The following DOCK3 variants were observed in gnomAD, a reference collection of about 807,000 sequenced individuals.
The protein encoded by DOCK3 is dedicator of cytokinesis 3, also known as dedicator of cytokinesis protein 3.
Under a neutral mutation model 265.6 loss-of-function variants are expected in DOCK3, and 60 were observed. The ratio of observed to expected loss-of-function variants is 0.23; its 90% CI spans 0.18 to 0.28. The LOEUF is 0.28. Among genes scored for constraint, DOCK3 ranks in the 10% least tolerant of loss-of-function variants. DOCK3 has a pLI of 1.00. For synonymous variants in DOCK3, 881 were observed against 938.0 expected, an observed-to-expected ratio of 0.94 and a Z score of 1.11; for missense variants, 1,981 against 2,594.3, an observed-to-expected ratio of 0.76 and a Z score of 5.14.
chr3:50,959,789 C>T (rs972346280), intron 5 of DOCK3, among the ~76,000 whole-genome samples: 7 of 151,884 alleles, frequency 4.6e-5, no homozygotes, highest in African/African-American at 1.7e-4. Flanking sequence ...ACCGTGTTAG[C>T]CAGGATGGTC....
chr3:51,210,185 G>A (rs1484854811), intron 13 of DOCK3, among the ~76,000 whole-genome samples: 2 of 152,158 alleles, frequency 1.3e-5, no homozygotes, highest in African/African-American at 4.8e-5. Flanking sequence ...TCATGAAAGA[G>A]CAACTTCTAC....
chr3:50,892,793 A>G (rs2048702308), intron 4 of DOCK3, among the ~76,000 whole-genome samples: 1 of 152,068 alleles, frequency 6.6e-6, no homozygotes, highest in Admixed American at 6.6e-5. Context: ...GCAATATCCC[A>G]TCATTTCAAT....
At chr3:50,907,125 T>G (rs2049559141) in intron 4 of DOCK3, among the ~76,000 whole-genome samples, 1 of 152,116 alleles carries the variant, frequency 6.6e-6, no homozygotes, top group Non-Finnish European at 1.5e-5. Context: ...GAGAGACAGT[T>G]TGTTATAATT....
chr3:51,293,328 C>T (rs1317409658), intron 27 of DOCK3, among the ~76,000 whole-genome samples: 1 of 152,176 alleles, frequency 6.6e-6, no homozygotes, highest in Non-Finnish European at 1.5e-5. Flanking sequence ...ACCCACACAT[C>T]TACCATTAAT....
chr3:50,800,610 C>A (rs923424257), intron 2 of DOCK3, among the ~76,000 whole-genome samples: 2 of 150,626 alleles, frequency 1.3e-5, no homozygotes, highest in Non-Finnish European at 3.0e-5. Flanking sequence ...TATTTATTTT[C>A]AAAAAAAACA....
At chr3:51,040,164 T>C (rs1426581814) in intron 5 of DOCK3, among the ~76,000 whole-genome samples, 1 of 151,878 alleles carries the variant, frequency 6.6e-6, no homozygotes, top group Non-Finnish European at 1.5e-5. Flanking sequence ...CCAGATTCCA[T>C]GTGTGGTTTA....
At chr3:50,775,303 A>G (rs2041520124) in intron 1 of DOCK3, among the ~76,000 whole-genome samples, 1 of 152,050 alleles carries the variant, frequency 6.6e-6, no homozygotes, top group African/African-American at 2.4e-5. Context: ...TTTAATAAAT[A>G]TAGGACTATT....
At chr3:51,148,633 G>C (rs9846378) in intron 10 of DOCK3, among the ~76,000 whole-genome samples, 138,803 of 152,238 alleles carry the variant, frequency 0.91, 63,422 homozygotes, top group African/African-American at 0.95. Flanking sequence ...TGTCAGGTTT[G>C]TCAAAGATCA....
intron 2 of DOCK3, among the ~76,000 whole-genome samples, chr3:50,783,583 G>T (rs1388167676): frequency 6.6e-6 from 1 of 151,996 alleles, no homozygotes; most frequent in Non-Finnish European, 1.5e-5. Flanking sequence ...TCACTTCCTT[G>T]TAGATTCTGG....
intron 21 of DOCK3, among the ~76,000 whole-genome samples, chr3:51,245,495 A>T (rs1362587159): frequency 2.0e-5 from 3 of 147,346 alleles, no homozygotes; most frequent in Non-Finnish European, 4.4e-5. Context: ...GGTTCACACG[A>T]TTCTTCTGCC....
At chr3:51,016,933 CAA>C (rs1432448357) in intron 5 of DOCK3, among the ~76,000 whole-genome samples, 1,883 of 88,248 alleles carry the variant, frequency 0.021, 150 homozygotes, top group African/African-American at 0.087. Context: ...TTAATATATA[CAA>C]TATATGTTAT....
chr3:51,376,265 G>A (rs1216225050), intron 51 of DOCK3, among the ~76,000 whole-genome samples: 2 of 152,238 alleles, frequency 1.3e-5, no homozygotes, highest in Non-Finnish European at 2.9e-5. Flanking sequence ...AGCCCCAAGA[G>A]GAAGGGGAAA....
At chr3:50,894,501 T>C (rs1487261220) in intron 4 of DOCK3, among the ~76,000 whole-genome samples, 1 of 152,000 alleles carries the variant, frequency 6.6e-6, no homozygotes, top group Non-Finnish European at 1.5e-5. Flanking sequence ...AATGATGCTA[T>C]ACAGCAACAT....
chr3:51,160,831 C>G, intron 12 of DOCK3, 129 bp downstream of exon 12: 4 of 1,145,158 alleles, frequency 3.5e-6, no homozygotes, highest in Non-Finnish European at 4.7e-6. Context: ...ATTCCCAACA[C>G]TTTGGGAGGC....
At chr3:50,852,575 T>C (rs917436280) in intron 3 of DOCK3, among the ~76,000 whole-genome samples, 2 of 152,218 alleles carry the variant, frequency 1.3e-5, no homozygotes, top group African/African-American at 4.8e-5. Context: ...TAATTAATCA[T>C]ACTGTTATTT....
At chr3:51,320,787 C>T (rs923214348) in intron 32 of DOCK3, among the ~76,000 whole-genome samples, 1 of 152,210 alleles carries the variant, frequency 6.6e-6, no homozygotes, top group African/African-American at 2.4e-5. Flanking sequence ...TTCCTCCTCT[C>T]TGGGCAGGGC....
At chr3:51,126,967 A>T (rs961622290) in intron 9 of DOCK3, among the ~76,000 whole-genome samples, 7 of 151,948 alleles carry the variant, frequency 4.6e-5, no homozygotes, top group African/African-American at 1.4e-4. Flanking sequence ...GTTCTTATAT[A>T]TATATATATG....
chr3:50,998,282 C>T (rs915152012), intron 5 of DOCK3, among the ~76,000 whole-genome samples: 12 of 152,228 alleles, frequency 7.9e-5, no homozygotes, highest in African/African-American at 2.9e-4. Flanking sequence ...AATGCTAGCT[C>T]TTGATTAGAC....
chr3:51,184,595 A>G (rs1046971802), intron 12 of DOCK3, among the ~76,000 whole-genome samples: 1 of 152,104 alleles, frequency 6.6e-6, no homozygotes, highest in African/African-American at 2.4e-5. Flanking sequence ...TAAGATAAAT[A>G]TCCGTGAGTT....
Sources: allele counts gnomAD v4.1 joint callset (sites outside exome capture counted in the v4.1 genomes callset), GRCh38; gene constraint gnomAD v4.1.1; transcripts MANE v1.5; gene names NCBI Gene and HGNC (gene_info 2026-07-23, HGNC 2026-07-21).